The following ADAMTSL1 variants were observed in gnomAD, a reference collection of about 807,000 sequenced individuals.
ADAMTSL1 encodes the protein ADAMTS-like protein 1.
ADAMTSL1 carries 126 observed loss-of-function variants against 201.8 expected under a neutral mutation model. The ratio of observed to expected loss-of-function variants is 0.62; its 90% CI spans 0.54 to 0.72. ADAMTSL1 has a LOEUF of 0.72. Among genes scored for constraint, ADAMTSL1 ranks in the 30% least tolerant of loss-of-function variants. The pLI, the probability that ADAMTSL1 is intolerant of heterozygous loss-of-function variation, is 0.00. For synonymous variants in ADAMTSL1, 1,121 were observed against 903.4 expected (o/e 1.24, Z -4.32); for missense variants, 2,679 against 2,277.8 (o/e 1.18, Z -3.59).
chr9:18,111,783 T>G (rs775148378), intron 1 of ADAMTSL1, among the ~76,000 whole-genome samples: 8 of 152,188 alleles, frequency 5.3e-5, no homozygotes, highest in Non-Finnish European at 1.2e-4. Flanking sequence ...ATGAGTCAAG[T>G]GTTGAGCCCA....
chr9:18,572,902 G>A (rs13294657), intron 3 of ADAMTSL1, among the ~76,000 whole-genome samples: 43,720 of 152,066 alleles, frequency 0.29, 6,691 homozygotes, highest in Admixed American at 0.37. Context: ...CTGGAGAGTC[G>A]ACGACAGTCT....
At chr9:18,828,592 A>T (rs1824744188) in intron 22 of ADAMTSL1, among the ~76,000 whole-genome samples, 1 of 147,988 alleles carries the variant, frequency 6.8e-6, no homozygotes, top group Admixed American at 6.8e-5. Flanking sequence ...GCTCAAACTG[A>T]GGGTTCCTGA....
intron 23 of ADAMTSL1, among the ~76,000 whole-genome samples, chr9:18,839,874 A>G (rs1040854462): frequency 3.4e-5 from 5 of 148,494 alleles, no homozygotes; most frequent in Admixed American, 6.7e-5. Context: ...CCACTTTTGG[A>G]TGGGGTTCTT....
chr9:17,928,789 C>T (rs557943348), intron 1 of ADAMTSL1, among the ~76,000 whole-genome samples: 7 of 151,992 alleles, frequency 4.6e-5, no homozygotes, highest in Admixed American at 1.3e-4. Context: ...TGCATCTGAC[C>T]CATACTATGT....
chr9:18,452,212 C>G (rs1267741626), intron 2 of ADAMTSL1, among the ~76,000 whole-genome samples: 1 of 152,088 alleles, frequency 6.6e-6, no homozygotes, highest in Non-Finnish European at 1.5e-5. Context: ...CGCACCCTGC[C>G]CCAAGCTCCC....
intron 2 of ADAMTSL1, among the ~76,000 whole-genome samples, chr9:18,281,728 C>T (rs1427684494): frequency 6.6e-6 from 1 of 152,092 alleles, no homozygotes; most frequent in Admixed American, 6.6e-5. Context: ...CAATTGAGTT[C>T]ACATTTAATA....
rs200593369 is a variant in ADAMTSL1 at position 18,892,436 on chromosome 9, G to A, written c.4691G>A (p.Gly1564Asp). The change falls in exon 26 of 29, where the codon GGT becomes GAT. Residue 1564 changes from glycine (G) to aspartate (D), a missense_variant. Gly to Asp is a moderately conservative substitution (Grantham distance 94, BLOSUM62 -1). Coordinates refer to ENST00000380548, the MANE Select transcript of ADAMTSL1 (RefSeq NM_001040272.6). ...WSACTRSCGG[G>D]VQTRRVTCQK... ...GCCTGTACCCGGAGCTGTGGGGGAG[G>A]TGTCCAGACCCGCAGGGTGACCTGT... 7.2e-5 allele frequency: 116 copies of A among 1,613,532 alleles called. No individual in the cohort carries two copies. The highest frequency in any genetic ancestry group is 9.4e-5 in the Non-Finnish European group (111 of 1,179,820).
At chr9:18,906,986 C>T (rs79168401) in intron 28 of ADAMTSL1, 74 bp downstream of exon 28, 61,840 of 1,539,010 alleles carry the variant, frequency 0.04, 1,854 homozygotes, top group South Asian at 0.13. Context: ...TCCCTGGGAC[C>T]GACCCTGAGC....
chr9:18,224,603 A>T (rs989017923), intron 2 of ADAMTSL1, among the ~76,000 whole-genome samples: 3 of 152,146 alleles, frequency 2.0e-5, no homozygotes, highest in African/African-American at 7.2e-5. Context: ...GTCTTGTCTC[A>T]TTCCAGCATC....
At chr9:18,504,019 TATA>T (rs897495649) in intron 1 of ADAMTSL1, among the ~76,000 whole-genome samples, 15 of 150,348 alleles carry the variant, frequency 1.0e-4, no homozygotes, top group East Asian at 3.9e-4. Context: ...GTAGCATGGT[TATA>T]ATATTACCCC....
intron 1 of ADAMTSL1, among the ~76,000 whole-genome samples, chr9:17,993,776 T>C (rs1275000255): frequency 6.6e-6 from 1 of 152,210 alleles, no homozygotes; most frequent in African/African-American, 2.4e-5. Context: ...TTTGTTTGTT[T>C]TCTTTGGCAT....
At chr9:18,835,683 G>T (rs1052713941) in intron 23 of ADAMTSL1, among the ~76,000 whole-genome samples, 4 of 152,014 alleles carry the variant, frequency 2.6e-5, no homozygotes, top group African/African-American at 9.7e-5. Flanking sequence ...GTAGTCCCCA[G>T]TGTCTACTGT....
rs865831765 is a variant in ADAMTSL1 at position 18,871,936 on chromosome 9, A to C, written c.4250-15895A>C. ...TTCAGGCATCTTCAGGGATTCCCAAAAGACCAGATTCTGGCCTTCAAGGCC... is the reference window on the plus strand; with the variant it reads ...TTCAGGCATCTTCAGGGATTCCCAACAGACCAGATTCTGGCCTTCAAGGCC... On this transcript the variant is annotated intron_variant, in intron 23 of 28. Transcript: ENST00000380548. 2.6e-5 allele frequency among the ~76,000 whole-genome samples: 4 copies of C among 152,288 alleles called. No homozygotes were observed. In the Middle Eastern group the frequency reaches 0.014, roughly 518 times the overall value.
intron 2 of ADAMTSL1, among the ~76,000 whole-genome samples, chr9:18,279,919 A>T (rs1832719803): frequency 6.6e-6 from 1 of 150,558 alleles, no homozygotes; most frequent in South Asian, 2.1e-4. Context: ...GAGGTGGATT[A>T]TAAGAACAGA....
chr9:18,504,089 C>A (rs1822993142), intron 1 of ADAMTSL1, among the ~76,000 whole-genome samples: 1 of 151,952 alleles, frequency 6.6e-6, no homozygotes, highest in Non-Finnish European at 1.5e-5. Flanking sequence ...TGTTCAAGGA[C>A]TCGTAATAAA....
chr9:18,622,571 G>A lies in ADAMTSL1; in HGVS notation c.601+202G>A, dbSNP rs141179058. ...TACCAGCTGCAGTCCCAAAGAGGAA[G>A]CCTGTCCTTCTGAGGCACATCAGGA... On this transcript the variant is annotated intron_variant, in intron 5 of 28. Coordinates refer to ENST00000380548, the MANE Select transcript of ADAMTSL1 (RefSeq NM_001040272.6). 2,268 of 701,358 alleles carry A rather than the reference G, an allele frequency of 3.2e-3. 39 individuals are homozygous for A. In the African/African-American group the frequency reaches 0.034, roughly 11 times the overall value. The allele number at this position is 701,358 out of a possible 1,614,324, so 43.4% of individuals were successfully genotyped here.
At chr9:18,820,698 A>G (rs1824157628) in intron 21 of ADAMTSL1, among the ~76,000 whole-genome samples, 1 of 152,248 alleles carries the variant, frequency 6.6e-6, no homozygotes, top group Non-Finnish European at 1.5e-5. Flanking sequence ...TTCAGCTTAC[A>G]AAATGCAGCC....
chr9:18,534,735 C>A (rs551586436), intron 3 of ADAMTSL1, among the ~76,000 whole-genome samples: 1 of 152,334 alleles, frequency 6.6e-6, no homozygotes, highest in East Asian at 1.9e-4. Flanking sequence ...AACCTCAATT[C>A]TTCTGCACAC....
intron 2 of ADAMTSL1, among the ~76,000 whole-genome samples, chr9:18,213,435 A>G (rs562730275): frequency 9.2e-5 from 14 of 152,214 alleles, no homozygotes; most frequent in Admixed American, 2.0e-4. Flanking sequence ...AGCGCCCTCT[A>G]GTGTTGTTTT....
Sources: gnomAD v4.1 joint callset for allele counts (sites outside exome capture counted in the v4.1 genomes callset) on GRCh38, gnomAD v4.1.1 for gene constraint, MANE v1.5 for transcripts, NCBI Gene and HGNC (gene_info 2026-07-23, HGNC 2026-07-21) for gene names.